CNTNAP2: variants seen among roughly 807,000 people sequenced by gnomAD.
The protein encoded by CNTNAP2 is contactin-associated protein-like 2.
Under a neutral mutation model 155.2 loss-of-function variants are expected in CNTNAP2, and 98 were observed. That is an observed-to-expected ratio of 0.63 (90% CI 0.54 to 0.75). CNTNAP2 has a LOEUF of 0.75. Ranked by LOEUF, CNTNAP2 falls within the 30% of genes least tolerant of loss-of-function variation. CNTNAP2 has a pLI of 0.00. For missense variants in CNTNAP2, 1,727 were observed against 1,688.1 expected (o/e 1.02, Z -0.40); for synonymous variants, 651 against 631.2 (o/e 1.03, Z -0.47).
At chr7:146,161,150 G>A (rs1391328755) in intron 1 of CNTNAP2, among the ~76,000 whole-genome samples, 1 of 152,068 alleles carries the variant, frequency 6.6e-6, no homozygotes, top group South Asian at 2.1e-4. Context: ...AAATTCAACA[G>A]CCCTTCATGC....
chr7:146,692,048 G>A (rs1277710255), intron 1 of CNTNAP2, among the ~76,000 whole-genome samples: 1 of 152,084 alleles, frequency 6.6e-6, no homozygotes, highest in Non-Finnish European at 1.5e-5. Context: ...ATTGGTCAGA[G>A]ATGACAGTCT....
intron 1 of CNTNAP2, among the ~76,000 whole-genome samples, chr7:146,698,469 A>G (rs761762137): frequency 4.6e-5 from 7 of 152,100 alleles, no homozygotes; most frequent in Admixed American, 6.6e-5. Flanking sequence ...TTAAAATTTT[A>G]TACCACTCTC....
chr7:147,262,586 C>T (rs1483273061), intron 8 of CNTNAP2, among the ~76,000 whole-genome samples: 1 of 152,086 alleles, frequency 6.6e-6, no homozygotes, highest in Admixed American at 6.6e-5. Context: ...GGGCGGATCA[C>T]GGGTTCAGGA....
chr7:148,382,839 C>T (rs1446648375), intron 21 of CNTNAP2, among the ~76,000 whole-genome samples: 1 of 152,222 alleles, frequency 6.6e-6, no homozygotes, highest in Admixed American at 6.5e-5. Flanking sequence ...CATTTAAGGA[C>T]TCTTTCAACA....
intron 14 of CNTNAP2, among the ~76,000 whole-genome samples, chr7:147,967,225 T>C (rs1183837106): frequency 6.6e-6 from 1 of 152,176 alleles, no homozygotes; most frequent in Non-Finnish European, 1.5e-5. Context: ...TAGTCCAAAT[T>C]AGTCTTCTAG....
At chr7:146,896,635 A>T (rs1172499773) in intron 3 of CNTNAP2, among the ~76,000 whole-genome samples, 1 of 152,096 alleles carries the variant, frequency 6.6e-6, no homozygotes, top group Non-Finnish European at 1.5e-5. Context: ...CAAATTTGCC[A>T]TTATTTTTAA....
At chr7:146,816,762 G>C (rs1391681201) in intron 2 of CNTNAP2, among the ~76,000 whole-genome samples, 1 of 152,136 alleles carries the variant, frequency 6.6e-6, no homozygotes, top group South Asian at 2.1e-4. Context: ...TCATGCCCTG[G>C]GTCAACATAC....
intron 15 of CNTNAP2, 91 bp downstream of exon 15, chr7:147,978,080 G>A: frequency 6.5e-7 from 1 of 1,527,798 alleles, no homozygotes; most frequent in Non-Finnish European, 8.9e-7. Flanking sequence ...AATCAGACTT[G>A]CTCTCCTGTA....
intron 8 of CNTNAP2, among the ~76,000 whole-genome samples, chr7:147,198,580 C>T (rs564044350): frequency 6.6e-6 from 1 of 152,258 alleles, no homozygotes; most frequent in Non-Finnish European, 1.5e-5. Flanking sequence ...TATTTGGAAA[C>T]AAAGACAAAT....
intron 9 of CNTNAP2, among the ~76,000 whole-genome samples, chr7:147,335,773 G>C (rs1050660479): frequency 6.6e-6 from 1 of 152,090 alleles, no homozygotes; most frequent in African/African-American, 2.4e-5. Context: ...TTCACAGCAT[G>C]GATTACTGTA....
chr7:147,463,419 T>C lies in CNTNAP2; in HGVS notation c.1671-22516T>C, dbSNP rs145212808. ...CAACTCAGTCATTAAAACACATTTA[T>C]TGAGCTTCTACTATATCTCACGTGC... is the stretch of plus-strand genomic sequence containing the variant. On this transcript the variant is annotated intron_variant, in intron 10 of 23. Coordinates refer to ENST00000361727, the MANE Select transcript of CNTNAP2 (RefSeq NM_014141.6). Among the ~76,000 whole-genome samples the C allele has an allele frequency of 3.9e-5, 6 of 152,324 alleles. No individual in the cohort carries two copies. In the South Asian group the frequency reaches 8.3e-4, roughly 21 times the overall value.
At chr7:148,320,941 G>A (rs151168931) in intron 21 of CNTNAP2, among the ~76,000 whole-genome samples, 5 of 152,166 alleles carry the variant, frequency 3.3e-5, no homozygotes, top group South Asian at 2.1e-4. Flanking sequence ...TAGGCTATTC[G>A]TCAATGAGTG....
intron 12 of CNTNAP2, among the ~76,000 whole-genome samples, chr7:147,592,893 T>C (rs1400817290): frequency 6.6e-6 from 1 of 152,128 alleles, no homozygotes; most frequent in Non-Finnish European, 1.5e-5. Context: ...GAGAAACTCT[T>C]CCAAATGGTC....
chr7:147,520,003 G>A (rs1283284812), intron 11 of CNTNAP2, among the ~76,000 whole-genome samples: 2 of 152,186 alleles, frequency 1.3e-5, no homozygotes, highest in Non-Finnish European at 2.9e-5. Flanking sequence ...CTGTTGGAGG[G>A]AGCGTTTCTT....
At chr7:147,374,040 T>C (rs551952941) in intron 9 of CNTNAP2, among the ~76,000 whole-genome samples, 12 of 152,140 alleles carry the variant, frequency 7.9e-5, no homozygotes, top group Admixed American at 6.6e-4. Context: ...GTCTAAAGAA[T>C]AGAAAGCCAT....
intron 13 of CNTNAP2, among the ~76,000 whole-genome samples, chr7:147,689,851 G>A (rs1374523412): frequency 1.3e-5 from 2 of 152,160 alleles, no homozygotes; most frequent in African/African-American, 4.8e-5. Flanking sequence ...GAGACAGTAT[G>A]CAGAAAAGCT....
At chr7:147,027,027 GAA>G (rs35010258) in intron 3 of CNTNAP2, among the ~76,000 whole-genome samples, 1 of 116,708 alleles carries the variant, frequency 8.6e-6, no homozygotes. Flanking sequence ...ACAAAAAAAA[GAA>G]AAAAAAAAAC....
At chr7:146,760,124 T>A (rs931888075) in intron 1 of CNTNAP2, among the ~76,000 whole-genome samples, 6 of 152,166 alleles carry the variant, frequency 3.9e-5, no homozygotes, top group African/African-American at 9.7e-5. Context: ...GATGTGAAGA[T>A]ACAATCTTGG....
At chr7:146,318,009 C>G (rs904248294) in intron 1 of CNTNAP2, among the ~76,000 whole-genome samples, 38 of 151,946 alleles carry the variant, frequency 2.5e-4, no homozygotes, top group Non-Finnish European at 1.8e-4. Context: ...GGTGTGGTGG[C>G]ACGCACTTGT....
Sources: gnomAD v4.1 joint callset for allele counts (sites outside exome capture counted in the v4.1 genomes callset) on GRCh38, gnomAD v4.1.1 for gene constraint, MANE v1.5 for transcripts, NCBI Gene and HGNC (gene_info 2026-07-23, HGNC 2026-07-21) for gene names.